The following PAK3 variants were observed in gnomAD, a reference collection of about 807,000 sequenced individuals.
The protein encoded by PAK3 is serine/threonine-protein kinase PAK 3.
In PAK3, 4 loss-of-function variants were observed where a neutral mutation model predicts 41.0. That is an observed-to-expected ratio of 0.10 (90% CI 0.05 to 0.22). PAK3 has a LOEUF of 0.22. Ranked by LOEUF, PAK3 falls within the 10% of genes least tolerant of loss-of-function variation. The pLI, the probability that PAK3 is intolerant of heterozygous loss-of-function variation, is 1.00. For missense variants in PAK3, 205 were observed against 409.9 expected, an observed-to-expected ratio of 0.50 and a Z score of 4.32; for synonymous variants, 146 against 139.6, an observed-to-expected ratio of 1.05 and a Z score of -0.32.
At chrX:111,080,598 G>A (rs375636681) in intron 1 of PAK3, among the ~76,000 whole-genome samples, 5 of 111,712 alleles carry the variant, frequency 4.5e-5, no homozygotes, top group African/African-American at 6.5e-5. Context: ...GAACCAAACC[G>A]TCAATATCTC....
intron 1 of PAK3, among the ~76,000 whole-genome samples, chrX:110,946,028 A>T (rs2090612053): frequency 8.9e-6 from 1 of 111,756 alleles, no homozygotes; most frequent in African/African-American, 3.3e-5. Flanking sequence ...CTGGTAGGCA[A>T]GATAGAGCGT....
intron 1 of PAK3, among the ~76,000 whole-genome samples, chrX:110,975,669 A>C (rs972930051): frequency 2.7e-5 from 3 of 112,066 alleles, no homozygotes; most frequent in African/African-American, 9.7e-5. Flanking sequence ...CTAGGCAAAA[A>C]GAACCAAGCT....
chrX:111,075,261 A>T (rs941744473), intron 1 of PAK3, among the ~76,000 whole-genome samples: 2 of 112,695 alleles, frequency 1.8e-5, no homozygotes, highest in Non-Finnish European at 3.8e-5. Context: ...GGCATTTCAG[A>T]AGTCTTTGGG....
At chrX:111,161,700 C>T (rs1359572662) in intron 8 of PAK3, among the ~76,000 whole-genome samples, 2 of 110,043 alleles carry the variant, frequency 1.8e-5, no homozygotes, top group African/African-American at 6.8e-5. Context: ...GCCAGTTTTC[C>T]CAGCAAAATT....
intron 1 of PAK3, among the ~76,000 whole-genome samples, chrX:111,020,440 A>AG (rs2092159884): frequency 9.0e-6 from 1 of 111,464 alleles, no homozygotes; most frequent in Non-Finnish European, 1.9e-5. Context: ...ATACAGTTTC[A>AG]GTTGGGGAAG....
At chrX:111,209,231 A>G (rs1311262034) in intron 16 of PAK3, among the ~76,000 whole-genome samples, 1 of 111,576 alleles carries the variant, frequency 9.0e-6, no homozygotes, top group East Asian at 2.8e-4. Context: ...GGTCAAGAGC[A>G]TGAACTCTGG....
chrX:111,145,055 T>A, intron 6 of PAK3: 1 of 371,996 alleles, frequency 2.7e-6, no homozygotes, highest in Non-Finnish European at 4.9e-6. Flanking sequence ...CTATACACAG[T>A]CAGACATTGA....
intron 1 of PAK3, among the ~76,000 whole-genome samples, chrX:110,983,295 A>G (rs2091479512): frequency 9.0e-6 from 1 of 111,126 alleles, no homozygotes; most frequent in Non-Finnish European, 1.9e-5. Flanking sequence ...GTTTCATGCT[A>G]CAAGTACCTT....
At position 111,059,732 on chromosome X, in the gene PAK3, T is replaced by A. The variant is rs181121148; in HGVS notation, c.-27-63345T>A. Among the ~76,000 whole-genome samples, 234 of 112,243 alleles carry A rather than the reference T, an allele frequency of 2.1e-3. 1 individual carries two copies. Among genetic ancestry groups the A allele is most frequent in the African/African-American group, 6.8e-3 (211 of 30,993 alleles). On this transcript the variant is annotated intron_variant, in intron 1 of 14. Coordinates refer to the PAK3 transcript ENST00000425146. ...AAGAAAATGATTTATTAATTTCATT[T>A]TCTGATTGTTTATTGCTAATTCATA...
intron 1 of PAK3, among the ~76,000 whole-genome samples, chrX:111,032,764 T>C (rs2092354548): frequency 9.0e-6 from 1 of 110,643 alleles, no homozygotes; most frequent in African/African-American, 3.3e-5. Flanking sequence ...GGCTCGATTG[T>C]CAAGGAAATG....
At chrX:111,160,212 T>C (rs2094152980) in intron 8 of PAK3, among the ~76,000 whole-genome samples, 1 of 111,639 alleles carries the variant, frequency 9.0e-6, no homozygotes, top group Non-Finnish European at 1.9e-5. Flanking sequence ...ATATATAAAC[T>C]ATAGTCATAA....
chrX:110,957,149 A>G (rs183039492), intron 1 of PAK3, among the ~76,000 whole-genome samples: 2 of 112,064 alleles, frequency 1.8e-5, no homozygotes, highest in African/African-American at 6.5e-5. Flanking sequence ...TGCTACTTTT[A>G]CTTCTATGAA....
intron 1 of PAK3, among the ~76,000 whole-genome samples, chrX:110,988,282 T>A (rs2091582897): frequency 8.9e-6 from 1 of 111,764 alleles, no homozygotes; most frequent in Non-Finnish European, 1.9e-5. Flanking sequence ...ATTCAAGCTG[T>A]CAATTGTTAC....
At chrX:111,216,057 G>A (rs1234810564) in intron 16 of PAK3, among the ~76,000 whole-genome samples, 2 of 112,287 alleles carry the variant, frequency 1.8e-5, no homozygotes, top group Non-Finnish European at 3.8e-5. Context: ...ATGAATGGAT[G>A]TATGTGTATT....
At chrX:111,207,873 C>A (rs967633048) in intron 16 of PAK3, among the ~76,000 whole-genome samples, 2 of 112,353 alleles carry the variant, frequency 1.8e-5, no homozygotes, top group African/African-American at 6.5e-5. Flanking sequence ...TGGCTCACTG[C>A]AACCTCCAAC....
At chrX:110,969,646 A>G (rs757879939) in intron 1 of PAK3, among the ~76,000 whole-genome samples, 8 of 110,059 alleles carry the variant, frequency 7.3e-5, no homozygotes, top group Non-Finnish European at 1.5e-4. Flanking sequence ...TCAGGTGGGC[A>G]TATTTGTGTG....
intron 1 of PAK3, among the ~76,000 whole-genome samples, chrX:111,006,971 A>G (rs1463967621): frequency 9.4e-6 from 1 of 106,371 alleles, no homozygotes; most frequent in Non-Finnish European, 1.9e-5. Flanking sequence ...TGGCCTCCCA[A>G]ACAAAATGTT....
chrX:111,149,571 G>A lies in PAK3; in HGVS notation c.430+1681G>A, dbSNP rs770435054. Among the ~76,000 whole-genome samples the A allele has an allele frequency of 3.6e-5, 4 of 112,171 alleles. No homozygotes were observed. In the Admixed American group the frequency reaches 3.7e-4, roughly 11 times the overall value. ...TCCCAAACCTCAATTCTTGACTTCC[G>A]TGCACATGCAGGCTCAACACCACGT... On this transcript the variant is annotated intron_variant, in intron 7 of 17. Coordinates refer to ENST00000372007, the MANE Select transcript of PAK3 (RefSeq NM_002578.5).
At chrX:111,110,215 A>C (rs750790784) in intron 4 of PAK3, among the ~76,000 whole-genome samples, 13 of 112,552 alleles carry the variant, frequency 1.2e-4, no homozygotes, top group Non-Finnish European at 2.1e-4. Context: ...ACTTCAAAGC[A>C]GTTCCCAAAT....
Sources: allele counts gnomAD v4.1 joint callset (sites outside exome capture counted in the v4.1 genomes callset), GRCh38; gene constraint gnomAD v4.1.1; transcripts MANE v1.5; gene names NCBI Gene and HGNC (gene_info 2026-07-23, HGNC 2026-07-21).